Variants in DDC observed in about 807,000 individuals in gnomAD.
DDC encodes dopa decarboxylase.
In DDC, 43 loss-of-function variants were observed where a neutral mutation model predicts 60.0. That is an observed-to-expected ratio of 0.72 (90% CI 0.56 to 0.92). The LOEUF is 0.92. DDC is among the 40% of genes least tolerant of loss of function. DDC has a pLI of 0.00. For missense variants in DDC, 573 were observed against 620.2 expected (o/e 0.92, Z 0.81); for synonymous variants, 232 against 234.6 (o/e 0.99, Z 0.10).
intron 6 of DDC, among the ~76,000 whole-genome samples, chr7:50,522,181 C>T (rs1585225615): frequency 1.5e-5 from 2 of 134,676 alleles, no homozygotes; most frequent in Non-Finnish European, 3.2e-5. Flanking sequence ...AAACCATTCC[C>T]ATTAGCACCA....
At chr7:50,554,765 G>A (rs191837151) in intron 1 of DDC, among the ~76,000 whole-genome samples, 102 of 152,276 alleles carry the variant, frequency 6.7e-4, no homozygotes, top group Middle Eastern at 6.8e-3. Flanking sequence ...CCAGGTTCCC[G>A]CAGCATTCTT....
chr7:50,475,121 G>C (rs1260958118), intron 11 of DDC, among the ~76,000 whole-genome samples: 2 of 152,204 alleles, frequency 1.3e-5, no homozygotes, highest in African/African-American at 2.4e-5. Flanking sequence ...ATGAGAACCA[G>C]CTGCAATGTC....
chr7:50,483,066 T>C (rs1387176967), intron 9 of DDC, among the ~76,000 whole-genome samples: 3 of 152,148 alleles, frequency 2.0e-5, no homozygotes, highest in East Asian at 1.9e-4. Context: ...GTGCAGATTA[T>C]GGGAATCCTC....
chr7:50,540,897 A>G (rs1268306645), intron 2 of DDC, among the ~76,000 whole-genome samples: 1 of 152,206 alleles, frequency 6.6e-6, no homozygotes, highest in African/African-American at 2.4e-5. Context: ...TAGCAATGGT[A>G]ACAAGGGGCC....
chr7:50,552,471 G>A lies in DDC; in HGVS notation c.-28-8358C>T, dbSNP rs370215684. On this transcript the variant is annotated intron_variant, in intron 1 of 14. Coordinates refer to ENST00000444124, the MANE Select transcript of DDC (RefSeq NM_001082971.2). ...GCACGGTGAGCTGGCTGCCTCCCTG[G>A]ACTTCTGGCTCAATGTCTTTTTGCA... is the stretch of plus-strand genomic sequence containing the variant. Among the ~76,000 whole-genome samples, 147 of 152,256 alleles carry A rather than the reference G, an allele frequency of 9.7e-4. 6 individuals are homozygous for A. In the South Asian group the frequency reaches 0.03, roughly 31 times the overall value.
chr7:50,521,665 G>A (rs2043893995), intron 6 of DDC, among the ~76,000 whole-genome samples: 1 of 152,106 alleles, frequency 6.6e-6, no homozygotes, highest in Non-Finnish European at 1.5e-5. Context: ...AGAATCTCAT[G>A]ATTATGTAAA....
intron 4 of DDC, among the ~76,000 whole-genome samples, chr7:50,530,898 C>T (rs1209601389): frequency 6.6e-6 from 1 of 152,174 alleles, no homozygotes; most frequent in Non-Finnish European, 1.5e-5. Context: ...ACATTTGATG[C>T]TCTCTTCATT....
chr7:50,467,219 G>A lies in DDC; in HGVS notation c.1237C>T (p.Leu413=). The change falls in exon 13 of 15, where the codon CTA becomes TTA. Residue 413 remains leucine (L), a synonymous_variant. Coordinates refer to ENST00000444124, the MANE Select transcript of DDC (RefSeq NM_001082971.2). ...EVILGLVCFR[L]KGSNKVNEAL... is the part of the protein sequence containing the mutation. ...TGGAATAGATGTAGACAAACCTTTA[G>A]CCGAAAGCAGACAAGCCCCAGAATG... 6.2e-7 allele frequency: 1 copy of A among 1,613,440 alleles called. No homozygotes were observed. Among genetic ancestry groups the A allele is most frequent in the Non-Finnish European group, 8.5e-7 (1 of 1,179,410 alleles).
Position 50,477,797 on chromosome 7 carries a change from G to A in DDC, c.1022-1154C>T, listed in dbSNP as rs553309702. Among the ~76,000 whole-genome samples, 4 of 152,198 alleles carry A rather than the reference G, an allele frequency of 2.6e-5. No homozygotes were observed. In the South Asian group the frequency reaches 6.2e-4, roughly 24 times the overall value. Reference sequence around the variant, plus strand: ...GACACATGGCCTCTCATTAGTAAGGGAGCTTGTTAAACAAACATAACATCA... The same window carrying A: ...GACACATGGCCTCTCATTAGTAAGGAAGCTTGTTAAACAAACATAACATCA... On this transcript the variant is annotated intron_variant, in intron 10 of 14. Coordinates refer to ENST00000444124, the MANE Select transcript of DDC (RefSeq NM_001082971.2).
At chr7:50,520,619 T>G (rs773840441) in intron 6 of DDC, among the ~76,000 whole-genome samples, 16 of 152,180 alleles carry the variant, frequency 1.1e-4, no homozygotes, top group South Asian at 6.2e-4. Flanking sequence ...AAAAGGCAAT[T>G]TAAATGCAAT....
intron 6 of DDC, among the ~76,000 whole-genome samples, chr7:50,519,084 A>G (rs1236956338): frequency 1.3e-5 from 2 of 152,222 alleles, no homozygotes; most frequent in African/African-American, 4.8e-5. Context: ...GGCTAAGGAC[A>G]TGAATAGACA....
chr7:50,552,906 C>T (rs1244931334), intron 1 of DDC, among the ~76,000 whole-genome samples: 4 of 152,326 alleles, frequency 2.6e-5, no homozygotes, highest in African/African-American at 9.6e-5. Flanking sequence ...GCCCCTCCCA[C>T]CATTGAGTCT....
At chr7:50,562,124 C>G (rs1461710230) in intron 1 of DDC, among the ~76,000 whole-genome samples, 1 of 152,216 alleles carries the variant, frequency 6.6e-6, no homozygotes, top group Non-Finnish European at 1.5e-5. Flanking sequence ...AAGGAAGAAG[C>G]TACCCCTCTA....
At position 50,501,435 on chromosome 7, in the gene DDC, T is replaced by C. The variant is rs997633111; in HGVS notation, c.782-2193A>G. Reference sequence around the variant, plus strand: ...TCAGTAAAACCTGCCAGACAACTGATCCATCCAAGCAGACCAATCTGAATA... The same window carrying C: ...TCAGTAAAACCTGCCAGACAACTGACCCATCCAAGCAGACCAATCTGAATA... On this transcript the variant is annotated intron_variant, in intron 7 of 14. Coordinates refer to ENST00000444124, the MANE Select transcript of DDC (RefSeq NM_001082971.2). Among the ~76,000 whole-genome samples, 16 of 152,288 alleles carry C rather than the reference T, an allele frequency of 1.1e-4. No homozygotes were observed. In the Middle Eastern group the frequency reaches 0.01, roughly 97 times the overall value.
chr7:50,531,293 T>A (rs986559146), intron 4 of DDC, among the ~76,000 whole-genome samples: 1 of 152,160 alleles, frequency 6.6e-6, no homozygotes, highest in South Asian at 2.1e-4. Flanking sequence ...ATGTACCCCA[T>A]CATTCCTGTC....
At chr7:50,491,070 ATGT>A (rs1386327670) in intron 9 of DDC, among the ~76,000 whole-genome samples, 2 of 152,212 alleles carry the variant, frequency 1.3e-5, no homozygotes, top group Non-Finnish European at 1.5e-5. Flanking sequence ...CTGGAAAATA[ATGT>A]TGTCAGTTTT....
chr7:50,506,203 T>G (rs2153540991), intron 6 of DDC, among the ~76,000 whole-genome samples: 1 of 152,094 alleles, frequency 6.6e-6, no homozygotes, highest in Non-Finnish European at 1.5e-5. Flanking sequence ...AGCCCTTGAG[T>G]GGTCAGGGCA....
chr7:50,558,977 G>A (rs2045269814), intron 1 of DDC, among the ~76,000 whole-genome samples: 1 of 152,194 alleles, frequency 6.6e-6, no homozygotes, highest in African/African-American at 2.4e-5. Context: ...ACAGAAACAG[G>A]CAGAGGCTCA....
chr7:50,493,681 T>C (rs889767509), intron 9 of DDC, among the ~76,000 whole-genome samples: 1 of 152,236 alleles, frequency 6.6e-6, no homozygotes, highest in African/African-American at 2.4e-5. Flanking sequence ...TAAATACTTA[T>C]TTCAGACAAA....
Sources: allele counts gnomAD v4.1 joint callset (sites outside exome capture counted in the v4.1 genomes callset), GRCh38; gene constraint gnomAD v4.1.1; transcripts MANE v1.5; gene names NCBI Gene and HGNC (gene_info 2026-07-23, HGNC 2026-07-21).